The following CASKIN2 variants were observed in gnomAD, a reference collection of about 807,000 sequenced individuals.
CASKIN2 encodes the protein CASK interacting protein 2.
In CASKIN2, 41 loss-of-function variants were observed where a neutral mutation model predicts 107.1. The ratio of observed to expected loss-of-function variants is 0.38; its 90% CI spans 0.30 to 0.50. CASKIN2 has a LOEUF of 0.50. Ranked by LOEUF, CASKIN2 falls within the 20% of genes least tolerant of loss-of-function variation. The probability of loss-of-function intolerance (pLI) is 0.92; values close to 1 mark genes in which losing one functional copy is unlikely to be tolerated. For missense variants in CASKIN2, 1,546 were observed against 1,657.4 expected (o/e 0.93, Z 1.17); for synonymous variants, 724 against 705.6 (o/e 1.03, Z -0.41).
At chr17:75,511,560 A>G (rs2053316049) in intron 2 of CASKIN2, among the ~76,000 whole-genome samples, 1 of 152,172 alleles carries the variant, frequency 6.6e-6, no homozygotes, top group African/African-American at 2.4e-5. Flanking sequence ...TATTTCATAC[A>G]CTATAAGGTT....
Position 75,503,111 on chromosome 17 carries a change from C to T in CASKIN2, c.1963G>A (p.Glu655Lys). 1 of 1,607,252 alleles carries T rather than the reference C, an allele frequency of 6.2e-7. No homozygotes were observed. The change falls in exon 18 of 20, where the codon GAA (glutamate) becomes AAA (lysine). Residue 655 changes from glutamate (E) to lysine (K), a missense_variant. Physicochemically the swap from Glu to Lys is moderately conservative, Grantham distance 56. This residue lies in a region of CASKIN2 where 1,311 missense variants were observed against 1,311.0 expected (regional missense o/e 1.00). Coordinates refer to ENST00000321617, the MANE Select transcript of CASKIN2 (RefSeq NM_020753.5). ...LMAIEGLENG[E>K]GPATAGPRLL... ...CGTGGGCCAGCTGTAGCTGGGCCTTCTCCGTTCTCCAGTCCCTCGATGGCC... is the reference window on the plus strand; with the variant it reads ...CGTGGGCCAGCTGTAGCTGGGCCTTTTCCGTTCTCCAGTCCCTCGATGGCC...
At position 75,505,746 on chromosome 17, in the gene CASKIN2, C is replaced by A; in HGVS notation, c.835+75G>T. On this transcript the variant is annotated intron_variant, in intron 9 of 19. Transcript: ENST00000321617. The surrounding 1 kb of genome is among the most constrained non-coding windows in gnomAD (Gnocchi z 5.1). ...TTGACAACCCTCCCCCAGGGACGTC[C>A]ACTCCCCCTCCACATCCTGGTACCA... 1 of 1,561,280 alleles carries A rather than the reference C, an allele frequency of 6.4e-7. No individual in the cohort carries two copies.
intron 2 of CASKIN2, among the ~76,000 whole-genome samples, chr17:75,509,134 G>T (rs763192122): frequency 4.6e-5 from 7 of 152,214 alleles, no homozygotes; most frequent in Non-Finnish European, 8.8e-5. Context: ...CAGGTTGGTG[G>T]CAAGAGGAGC....
chr17:75,501,216 C>T (rs934904102), intron 19 of CASKIN2, 46 bp from the exon 20 acceptor site: 2 of 1,481,956 alleles, frequency 1.3e-6, no homozygotes, highest in Non-Finnish European at 1.8e-6. Context: ...GTGGCCTGCA[C>T]CCCACTGGCC....
chr17:75,503,086 C>T lies in CASKIN2; in HGVS notation c.1988G>A (p.Arg663Gln), dbSNP rs369531665. The T allele has an allele frequency of 1.1e-5, 17 of 1,607,164 alleles. No individual in the cohort carries two copies. The highest frequency in any genetic ancestry group is 8.9e-5 in the East Asian group (4 of 44,760). ...TTCGCTGCCCTGGAAGGTGAGGAGCCGTGGGCCAGCTGTAGCTGGGCCTTC... is the reference window on the plus strand; with the variant it reads ...TTCGCTGCCCTGGAAGGTGAGGAGCTGTGGGCCAGCTGTAGCTGGGCCTTC... ...NGEGPATAGP[R>Q]LLTFQGSELS... The change falls in exon 18 of 20, where the codon CGG becomes CAG. Residue 663 changes from arginine to glutamine, a missense_variant. By Grantham distance (43) the Arg-to-Gln change is conservative (BLOSUM62 1). Coordinates refer to ENST00000321617, the MANE Select transcript of CASKIN2 (RefSeq NM_020753.5).
Position 75,502,776 on chromosome 17 carries a change from C to T in CASKIN2, c.2298G>A (p.Pro766=), listed in dbSNP as rs772294520. 36 of 1,598,478 alleles carry T rather than the reference C, an allele frequency of 2.3e-5. No homozygotes were observed. Among genetic ancestry groups the T allele is most frequent in the Admixed American group, 1.9e-4 (11 of 58,856 alleles). Reference sequence around the variant, plus strand: ...GTGCGCCAGGAGGTGGCCCTGGGGCCGGGCTAGAGGGTGAGCCCTGGGGGT... The same window carrying T: ...GTGCGCCAGGAGGTGGCCCTGGGGCTGGGCTAGAGGGTGAGCCCTGGGGGT... ...FMYPQGSPSS[P]APGPPPGAPW... is the part of the protein sequence containing the mutation. Residue 766 remains proline (P), a synonymous_variant, in exon 18 of 20, where the codon CCG becomes CCA. Transcript: ENST00000321617. This position sits in a 1 kb window ranked among gnomAD's most constrained non-coding sequence, Gnocchi z 4.3.
rs749059350 is a variant in CASKIN2 at position 75,502,826 on chromosome 17, C to T, written c.2248G>A (p.Gly750Arg). The change falls in exon 18 of 20, where the codon GGA becomes AGA. Residue 750 changes from glycine to arginine, a missense_variant. Coordinates refer to ENST00000321617, the MANE Select transcript of CASKIN2 (RefSeq NM_020753.5). This position sits in a 1 kb window ranked among gnomAD's most constrained non-coding sequence, Gnocchi z 4.3. Reference protein sequence around the residue: ...PKLCSSLPGQGPPPYVFMYPQ... With the variant: ...PKLCSSLPGQRPPPYVFMYPQ... ...TACATAAAAACATAGGGTGGGGGTC[C>T]TTGGCCAGGAAGTGAAGAACAAAGC... 2 of 1,558,072 alleles carry T rather than the reference C, an allele frequency of 1.3e-6. No individual in the cohort carries two copies. Among genetic ancestry groups the T allele is most frequent in the African/African-American group, 1.4e-5 (1 of 73,180 alleles).
chr17:75,506,349 C>A lies in CASKIN2; in HGVS notation c.682G>T (p.Ala228Ser). The A allele has an allele frequency of 6.2e-7, 1 of 1,612,082 alleles. No homozygotes were observed. ...ACCTCGGTCTTGCCATACAGTGCGG[C>A]CTCGTGGAGCGCCGTACCCGTCTTG... Reference protein sequence around the residue: ...QTKTGTALHEAALYGKTEVVR... With the variant: ...QTKTGTALHESALYGKTEVVR... Residue 228 changes from alanine to serine, a missense_variant, in exon 8 of 20, where the codon GCC becomes TCC. Coordinates refer to ENST00000321617, the MANE Select transcript of CASKIN2 (RefSeq NM_020753.5). This position sits in a 1 kb window ranked among gnomAD's most constrained non-coding sequence, Gnocchi z 4.8.
chr17:75,506,666 C>G lies in CASKIN2; in HGVS notation c.534G>C (p.Glu178Asp), dbSNP rs143653140. 1.8e-4 allele frequency: 284 copies of G among 1,613,302 alleles called. No individual in the cohort carries two copies. Among genetic ancestry groups the G allele is most frequent in the Non-Finnish European group, 2.3e-4 (274 of 1,179,982 alleles). Residue 178 changes from glutamate (E) to aspartate (D), a missense_variant, in exon 7 of 20, where the codon GAG becomes GAC. Physicochemically the swap from Glu to Asp is conservative, Grantham distance 45. Around this residue, in one of 6 missense-constraint regions of CASKIN2, gnomAD observed 31 missense variants for 28.7 expected, o/e 1.08. Transcript: ENST00000321617. This position sits in a 1 kb window ranked among gnomAD's most constrained non-coding sequence, Gnocchi z 4.8. ...GGTCACACGGGTCTTTGGCCTCACC[C>G]TCCAGCAGTGCCACACATAAGTGGC... ...LNSHLCVALL[E>D]GEAKDPCDPN...
chr17:75,513,377 G>A (rs947607806), intron 2 of CASKIN2, among the ~76,000 whole-genome samples: 5 of 152,008 alleles, frequency 3.3e-5, no homozygotes, highest in Admixed American at 1.3e-4. Flanking sequence ...CCCAGAAGGC[G>A]GAGGTTCCCG....
At position 75,504,286 on chromosome 17, in the gene CASKIN2, G is replaced by A. The variant is rs2053239462; in HGVS notation, c.1396C>T (p.Leu466=). ...SLADNLSHRP[L]ANCRSGEQIF... ...TGCTCCCCAGAGCGGCAGTTGGCCA[G>A]AGGGCGGTGGCTCAGGTTGTCTTCA... Residue 466 remains leucine, a synonymous_variant, in exon 14 of 20, where the codon CTG becomes TTG. Transcript: ENST00000321617. 6.2e-7 allele frequency: 1 copy of A among 1,607,822 alleles called. No individual in the cohort carries two copies. The highest frequency in any genetic ancestry group is 8.5e-7 in the Non-Finnish European group (1 of 1,177,622).
Position 75,505,164 on chromosome 17 carries a change from G to T in CASKIN2, c.931-91C>A. ...CCTGCAGCTGCGGTCCGGCAACCCTGGTCCAGCTCTTTCCCTACCCCTAAG... is the reference window on the plus strand; with the variant it reads ...CCTGCAGCTGCGGTCCGGCAACCCTTGTCCAGCTCTTTCCCTACCCCTAAG... On this transcript the variant is annotated intron_variant, in intron 10 of 19. Transcript: ENST00000321617. The surrounding 1 kb of genome is among the most constrained non-coding windows in gnomAD (Gnocchi z 5.1). The T allele has an allele frequency of 2.1e-6, 3 of 1,400,672 alleles. No homozygotes were observed. The highest frequency in any genetic ancestry group is 2.4e-5 in the South Asian group (2 of 82,918). The allele number at this position is 1,400,672 out of a possible 1,614,324, so 86.8% of individuals were successfully genotyped here.
At chr17:75,508,667 G>A (rs2053291179) in intron 2 of CASKIN2, among the ~76,000 whole-genome samples, 1 of 152,214 alleles carries the variant, frequency 6.6e-6, no homozygotes, top group Non-Finnish European at 1.5e-5. Context: ...CGAGGGGTGG[G>A]GAGAGAGAAG....
At position 75,505,832 on chromosome 17, in the gene CASKIN2, T is replaced by A; in HGVS notation, c.824A>T (p.Gln275Leu). 1 of 1,613,200 alleles carries A rather than the reference T, an allele frequency of 6.2e-7. No individual in the cohort carries two copies. The highest frequency in any genetic ancestry group is 8.5e-7 in the Non-Finnish European group (1 of 1,179,938). ...TCCCCCGCACTCACCCCGCAGTAGCTGCTTGATTTCCCGGCTGGCCTGGGA... is the reference window on the plus strand; with the variant it reads ...TCCCCCGCACTCACCCCGCAGTAGCAGCTTGATTTCCCGGCTGGCCTGGGA... Reference protein sequence around the residue: ...TTSQASREIKQLLREASGILK... With the variant: ...TTSQASREIKLLLREASGILK... The change falls in exon 9 of 20, where the codon CAG (glutamine) becomes CTG (leucine). Residue 275 changes from glutamine to leucine, a missense_variant. Physicochemically the swap from Gln to Leu is moderately radical, Grantham distance 113. Coordinates refer to ENST00000321617, the MANE Select transcript of CASKIN2 (RefSeq NM_020753.5). The surrounding 1 kb of genome is among the most constrained non-coding windows in gnomAD (Gnocchi z 5.1).
intron 2 of CASKIN2, 136 bp from the exon 3 acceptor site, chr17:75,508,421 G>A (rs141628985): frequency 1.6e-5 from 15 of 942,216 alleles, no homozygotes; most frequent in Admixed American, 1.1e-4. Flanking sequence ...CGCCTGTCCC[G>A]TCCCTGTGGC....
Position 75,502,857 on chromosome 17 carries a change from G to A in CASKIN2, c.2217C>T (p.Pro739=). 6.5e-7 allele frequency: 1 copy of A among 1,548,510 alleles called. No homozygotes were observed. The change falls in exon 18 of 20, where the codon CCC becomes CCT. Residue 739 remains proline (P), a synonymous_variant. Coordinates refer to ENST00000321617, the MANE Select transcript of CASKIN2 (RefSeq NM_020753.5). The surrounding 1 kb of genome is among the most constrained non-coding windows in gnomAD (Gnocchi z 4.3). The stretch of plus-strand genomic sequence containing the variant: ...CAGGAAGTGAAGAACAAAGCTTAGG[G>A]GGCCGCTCTGTGCCCTCTGGGAGGT... ...ERNLPEGTER[P]PKLCSSLPGQ...
rs748307056 is a variant in CASKIN2 at position 75,503,770 on chromosome 17, A to G, written c.1579-10T>C. The G allele has an allele frequency of 2.5e-6, 4 of 1,612,148 alleles. No homozygotes were observed. The highest frequency in any genetic ancestry group is 3.4e-6 in the Non-Finnish European group (4 of 1,179,792). ...CGATGGCCGTCAGGTCCTGCCACAC[A>G]AAGTCTGGCCATCAGGCCCCTCCCC... On this transcript the variant is annotated splice_polypyrimidine_tract_variant and intron_variant, in intron 15 of 19. Transcript: ENST00000321617.
rs1279531154 is a variant in CASKIN2, at chr17:75,504,401, G to A, written c.1375+19C>T. ...CTTGCACCTCTCCTAGCCAACCCAG[G>A]TCCCCTGACCCTTCCTACCTGCCAG... is the stretch of plus-strand genomic sequence containing the variant. On this transcript the variant is annotated intron_variant, in intron 13 of 19. Transcript: ENST00000321617. 6.2e-7 allele frequency: 1 copy of A among 1,604,218 alleles called. No homozygotes were observed. Among genetic ancestry groups the A allele is most frequent in the African/African-American group, 1.3e-5 (1 of 74,786 alleles).
rs531338563 is a variant in CASKIN2, at chr17:75,506,224, G to A, written c.726+81C>T. On this transcript the variant is annotated intron_variant, in intron 8 of 19. Coordinates refer to ENST00000321617, the MANE Select transcript of CASKIN2 (RefSeq NM_020753.5). This position sits in a 1 kb window ranked among gnomAD's most constrained non-coding sequence, Gnocchi z 4.8. ...TGCAAAAACCACGCTGGAGTCCTCC[G>A]TCCCGTACCTCCCCAGCCAGTCAGG... The A allele has an allele frequency of 8.6e-5, 109 of 1,265,506 alleles. 2 individuals carry two copies. In the South Asian group the frequency reaches 1.2e-3, roughly 13 times the overall value. 78.4% of individuals were successfully genotyped at this position (1,265,506 alleles called of 1,614,324 possible).
Sources: allele counts gnomAD v4.1 joint callset (sites outside exome capture counted in the v4.1 genomes callset), GRCh38; gene constraint gnomAD v4.1.1; regional missense constraint gnomAD v4.1.1; non-coding constraint Gnocchi (gnomAD v3.1); transcripts MANE v1.5; gene names NCBI Gene and HGNC (gene_info 2026-07-23, HGNC 2026-07-21).